HNRNPUL1: variants seen among roughly 807,000 people sequenced by gnomAD.
HNRNPUL1 encodes the protein heterogeneous nuclear ribonucleoprotein U-like protein 1.
Under a neutral mutation model 108.5 loss-of-function variants are expected in HNRNPUL1, and 14 were observed. The ratio of observed to expected loss-of-function variants is 0.13; its 90% CI spans 0.09 to 0.20. The LOEUF (loss-of-function observed/expected upper bound fraction) is 0.20. Among genes scored for constraint, HNRNPUL1 ranks in the 10% least tolerant of loss-of-function variants. The pLI, the probability that HNRNPUL1 is intolerant of heterozygous loss-of-function variation, is 1.00. For synonymous variants in HNRNPUL1, 422 were observed against 445.2 expected (o/e 0.95, Z 0.66); for missense variants, 804 against 1,168.3 (o/e 0.69, Z 4.55).
At position 41,267,435 on chromosome 19, in the gene HNRNPUL1, A is replaced by G. The variant is rs527547198; in HGVS notation, c.296-788A>G. 5.9e-5 allele frequency among the ~76,000 whole-genome samples: 9 copies of G among 152,232 alleles called. No individual in the cohort carries two copies. The East Asian group carries it at 1.4e-3, about 23-fold the overall frequency. On this transcript the variant is annotated intron_variant, in intron 1 of 14. Coordinates refer to ENST00000392006, the MANE Select transcript of HNRNPUL1 (RefSeq NM_007040.6). ...ATATTCCAATTAAGGAGATAATGCT[A>G]TTTCTTCCTCTCTCCCTTACTTGCT... is the stretch of plus-strand genomic sequence containing the variant.
At chr19:41,272,474 C>T (rs1174631415) in intron 3 of HNRNPUL1, 8 of 418,196 alleles carry the variant, frequency 1.9e-5, no homozygotes, top group South Asian at 1.2e-4. Context: ...TAGACTTTCA[C>T]GCGTGAGATG....
Position 41,264,648 on chromosome 19 carries a change from G to A in HNRNPUL1, c.145G>A (p.Asp49Asn). ...AEEPDDEREL[D>N]ADDEPGRPGH... is the part of the protein sequence containing the mutation. ...GGAGCCTGACGACGAGCGGGAGCTC[G>A]ACGCCGACGACGAACCGGGGCGACC... The change falls in exon 1 of 15, where the codon GAC (aspartate) becomes AAC (asparagine). Residue 49 changes from aspartate (D) to asparagine (N), a missense_variant. Coordinates refer to ENST00000392006, the MANE Select transcript of HNRNPUL1 (RefSeq NM_007040.6). The A allele has an allele frequency of 6.3e-7, 1 of 1,584,808 alleles. No homozygotes were observed. The highest frequency in any genetic ancestry group is 1.1e-5 in the South Asian group (1 of 89,354).
intron 5 of HNRNPUL1, chr19:41,278,512 C>G (rs2122607052): frequency 6.6e-6 from 1 of 152,180 alleles, no homozygotes; most frequent in South Asian, 2.1e-4. Context: ...GTTGCATATA[C>G]AAATACAGTC....
intron 1 of HNRNPUL1, among the ~76,000 whole-genome samples, chr19:41,266,889 T>C (rs2034884331): frequency 6.6e-6 from 1 of 152,164 alleles, no homozygotes; most frequent in Non-Finnish European, 1.5e-5. Flanking sequence ...TTGCAGAGAC[T>C]TGTGAAGAAA....
upstream of HNRNPUL1, chr19:41,264,224 C>T (rs2122330840): frequency 3.0e-6 from 1 of 338,752 alleles, no homozygotes; most frequent in East Asian, 4.4e-5. Context: ...CCAGTAGCTC[C>T]TAGGCCTTCT....
chr19:41,272,344 C>T, intron 3 of HNRNPUL1, 109 bp downstream of exon 3: 1 of 1,118,296 alleles, frequency 8.9e-7, no homozygotes, highest in Non-Finnish European at 1.3e-6. Flanking sequence ...GTAAAGATTC[C>T]CTCTGCTTTC....
At chr19:41,264,338 G>T (rs888160741), upstream of HNRNPUL1, 12 of 526,040 alleles carry the variant, frequency 2.3e-5, 1 homozygote, top group Non-Finnish European at 3.6e-5. Context: ...CATCGGACGA[G>T]GCACGAGTGA....
chr19:41,286,590 G>A (rs1290126760), intron 7 of HNRNPUL1: 2 of 151,882 alleles, frequency 1.3e-5, no homozygotes, highest in Non-Finnish European at 2.9e-5. Flanking sequence ...GCCGAACTTA[G>A]TGTGGACAGC....
At position 41,294,246 on chromosome 19, in the gene HNRNPUL1, C is replaced by T; in HGVS notation, c.1267-92C>T. ...TTCCGCTTTGTAGAGGCAGCCACAG[C>T]TCAGAGGTCCAGAGTCACACTCACA... On this transcript the variant is annotated intron_variant, in intron 8 of 14. Transcript: ENST00000392006. This position sits in a 1 kb window ranked among gnomAD's most constrained non-coding sequence, Gnocchi z 4.3. 1 of 1,458,556 alleles carries T rather than the reference C, an allele frequency of 6.9e-7. No individual in the cohort carries two copies. The highest frequency in any genetic ancestry group is 1.8e-5 in the Admixed American group (1 of 56,642). 90.4% of individuals were successfully genotyped at this position (1,458,556 alleles called of 1,614,324 possible). A position where few individuals can be genotyped will look rare whatever the true frequency, so the allele number is the denominator to read the frequency against.
chr19:41,268,632 G>T (rs1599762806), intron 2 of HNRNPUL1, among the ~76,000 whole-genome samples: 1 of 152,056 alleles, frequency 6.6e-6, no homozygotes, highest in East Asian at 1.9e-4. Flanking sequence ...GCCGAGGCAG[G>T]TGGATCACCT....
intron 4 of HNRNPUL1, among the ~76,000 whole-genome samples, chr19:41,274,951 A>G (rs542867084): frequency 6.6e-6 from 1 of 152,326 alleles, no homozygotes; most frequent in African/African-American, 2.4e-5. Context: ...GATGAAATGC[A>G]AATGTACAGA....
intron 1 of HNRNPUL1, among the ~76,000 whole-genome samples, chr19:41,267,185 AG>A (rs1297885217): frequency 1.3e-5 from 2 of 152,152 alleles, no homozygotes; most frequent in Non-Finnish European, 2.9e-5. Context: ...CCAACCCCTG[AG>A]GGGTGTTATG....
intron 1 of HNRNPUL1, among the ~76,000 whole-genome samples, chr19:41,265,975 C>T (rs1255350774): frequency 1.3e-5 from 2 of 152,014 alleles, no homozygotes; most frequent in East Asian, 3.9e-4. Flanking sequence ...CGACGGTTCC[C>T]AGAAGCAGTT....
chr19:41,296,171 T>A (rs1327372970), intron 10 of HNRNPUL1, among the ~76,000 whole-genome samples: 1 of 152,248 alleles, frequency 6.6e-6, no homozygotes, highest in Non-Finnish European at 1.5e-5. Context: ...GCTGTGAAAC[T>A]CATTTCAAAT....
chr19:41,265,909 C>T (rs2034810023), intron 1 of HNRNPUL1, among the ~76,000 whole-genome samples: 1 of 152,132 alleles, frequency 6.6e-6, no homozygotes, highest in African/African-American at 2.4e-5. Context: ...TCACTGGAGG[C>T]CTCAGAGTGG....
chr19:41,282,968 A>G (rs1309415152), intron 7 of HNRNPUL1, among the ~76,000 whole-genome samples: 1 of 152,078 alleles, frequency 6.6e-6, no homozygotes, highest in African/African-American at 2.4e-5. Context: ...TGCTGGGATT[A>G]CAGGCGTGAG....
intron 14 of HNRNPUL1, 123 bp from the exon 15 acceptor site, chr19:41,306,326 G>A: frequency 1.6e-6 from 1 of 635,062 alleles, no homozygotes; most frequent in Non-Finnish European, 2.7e-6. Context: ...TTCTCTGTCA[G>A]GGGACCTGTG....
intron 8 of HNRNPUL1, among the ~76,000 whole-genome samples, chr19:41,293,911 G>C (rs1407857116): frequency 6.6e-6 from 1 of 152,184 alleles, no homozygotes; most frequent in East Asian, 1.9e-4. Flanking sequence ...GGAGGCTGAT[G>C]TAGAAGGATT....
At position 41,272,191 on chromosome 19, in the gene HNRNPUL1, A is replaced by G. The variant is rs1599771923; in HGVS notation, c.528A>G (p.Glu176=). ...TCCAGAGTCGAAAGAGGCCTTATGA[A>G]GAAAACCGGGGACGGGGGTACTTTG... is the stretch of plus-strand genomic sequence containing the variant. ...QQFQSRKRPY[E]ENRGRGYFEH... Residue 176 remains glutamate, a synonymous_variant, in exon 3 of 15, where the codon GAA becomes GAG. Coordinates refer to ENST00000392006, the MANE Select transcript of HNRNPUL1 (RefSeq NM_007040.6). 3 of 1,614,136 alleles carry G rather than the reference A, an allele frequency of 1.9e-6. No individual in the cohort carries two copies. Among genetic ancestry groups the G allele is most frequent in the Non-Finnish European group, 2.5e-6 (3 of 1,180,006 alleles).
Sources: gnomAD v4.1 joint callset for allele counts (sites outside exome capture counted in the v4.1 genomes callset) on GRCh38, gnomAD v4.1.1 for gene constraint, Gnocchi (gnomAD v3.1) non-coding constraint, MANE v1.5 for transcripts, NCBI Gene and HGNC (gene_info 2026-07-23, HGNC 2026-07-21) for gene names.